STARD13: variants seen among roughly 807,000 people sequenced by gnomAD.
STARD13 encodes the protein stAR-related lipid transfer protein 13.
STARD13 carries 62 observed loss-of-function variants against 106.4 expected under a neutral mutation model. That is an observed-to-expected ratio of 0.58 (90% CI 0.48 to 0.72). The LOEUF (loss-of-function observed/expected upper bound fraction) is 0.72, where lower values mean the gene tolerates loss of function less well. STARD13 is among the 30% of genes least tolerant of loss of function. The pLI, the probability that STARD13 is intolerant of heterozygous loss-of-function variation, is 0.00. For missense variants in STARD13, 1,387 were observed against 1,424.0 expected (o/e 0.97, Z 0.42); for synonymous variants, 565 against 553.0 (o/e 1.02, Z -0.31).
rs184434459 is a variant in STARD13 at position 33,282,330 on chromosome 13, T to C, written c.169+3140A>G. On this transcript the variant is annotated intron_variant, in intron 1 of 13. Coordinates refer to ENST00000336934, the MANE Select transcript of STARD13 (RefSeq NM_178006.4). ...AGGCTAGAGAAATGATGCATGTATG[T>C]TTTGATGTGTACCCTAAGATGAGCA... Among the ~76,000 whole-genome samples, 252 of 152,312 alleles carry C rather than the reference T, an allele frequency of 1.7e-3. 1 individual carries two copies. Among genetic ancestry groups the C allele is most frequent in the Non-Finnish European group, 2.7e-3 (187 of 68,022 alleles).
chr13:33,495,818 ATAAT>A, the STARD13 span, among the ~76,000 whole-genome samples: 1 of 146,318 alleles, frequency 6.8e-6, no homozygotes, highest in Non-Finnish European at 1.5e-5. Context: ...TTATTATTAC[ATAAT>A]TAATATTATA....
chr13:33,253,642 C>T (rs1342789215), intron 1 of STARD13, among the ~76,000 whole-genome samples: 1 of 152,162 alleles, frequency 6.6e-6, no homozygotes, highest in Admixed American at 6.5e-5. Flanking sequence ...CCTTCTCGGC[C>T]ACCTCTGCTG....
At chr13:33,157,144 C>G (rs1224821533) in intron 3 of STARD13, among the ~76,000 whole-genome samples, 1 of 151,554 alleles carries the variant, frequency 6.6e-6, no homozygotes, top group East Asian at 1.9e-4. Context: ...TTGTAGATAC[C>G]ATTTTTGTCA....
At chr13:33,122,338 G>A (rs1349892758) in intron 7 of STARD13, among the ~76,000 whole-genome samples, 2 of 152,184 alleles carry the variant, frequency 1.3e-5, no homozygotes, top group African/African-American at 4.8e-5. Flanking sequence ...AGCTCCCTCA[G>A]CTTCGTTATG....
intron 1 of STARD13, among the ~76,000 whole-genome samples, chr13:33,242,377 A>G (rs1366615210): frequency 2.6e-5 from 4 of 152,206 alleles, no homozygotes; most frequent in Admixed American, 2.6e-4. Context: ...AGAAGTAGAC[A>G]TAGGAGACTC....
chr13:33,442,717 G>C, the STARD13 span, among the ~76,000 whole-genome samples: 1 of 152,290 alleles, frequency 6.6e-6, no homozygotes, highest in Non-Finnish European at 1.5e-5. Context: ...AGCCCCTCAT[G>C]TATCTACCAT....
At chr13:33,434,893 AGAAGGAAG>A in the STARD13 span, among the ~76,000 whole-genome samples, 3,988 of 130,596 alleles carry the variant, frequency 0.031, 86 homozygotes, top group Admixed American at 0.044. Context: ...AGGGAAGGAA[AGAAGGAAG>A]GAAGGAAGGA....
rs1246358892 is a variant in STARD13, at chr13:33,130,295, G to A, written c.388-6C>T. Reference sequence around the variant, plus strand: ...TCCTCATCGGAGTCGTCACCCTGCAGAGCACCAAGGAAAATGCTCATTAGC... The same window carrying A: ...TCCTCATCGGAGTCGTCACCCTGCAAAGCACCAAGGAAAATGCTCATTAGC... On this transcript the variant is annotated splice_region_variant and splice_polypyrimidine_tract_variant and intron_variant, in intron 4 of 13. Transcript: ENST00000336934. This position sits in a 1 kb window ranked among gnomAD's most constrained non-coding sequence, Gnocchi z 4.1. 4 of 1,596,862 alleles carry A rather than the reference G, an allele frequency of 2.5e-6. No homozygotes were observed. The highest frequency in any genetic ancestry group is 1.7e-6 in the Non-Finnish European group (2 of 1,177,488).
the STARD13 span, among the ~76,000 whole-genome samples, chr13:33,499,738 T>A: frequency 2.1e-5 from 3 of 141,280 alleles, no homozygotes; most frequent in East Asian, 2.1e-4. Flanking sequence ...TCCCTCTCCC[T>A]CTCCCTCTTC....
the STARD13 span, among the ~76,000 whole-genome samples, chr13:33,414,415 G>A: frequency 3.3e-5 from 5 of 152,130 alleles, no homozygotes; most frequent in Admixed American, 3.3e-4. Context: ...TGGGTGAATG[G>A]TTGAGCAAAC....
intron 3 of STARD13, among the ~76,000 whole-genome samples, chr13:33,155,080 C>T (rs1223717024): frequency 6.6e-6 from 1 of 152,196 alleles, no homozygotes; most frequent in Non-Finnish European, 1.5e-5. Context: ...CTCATGCACT[C>T]TCAGGGCCTT....
chr13:33,172,983 C>T (rs1440276192), intron 1 of STARD13, among the ~76,000 whole-genome samples: 5 of 151,822 alleles, frequency 3.3e-5, no homozygotes, highest in Admixed American at 2.6e-4. Flanking sequence ...AGAGTGTGAT[C>T]GTCATGGGAT....
At chr13:33,409,396 G>C in the STARD13 span, among the ~76,000 whole-genome samples, 12 of 152,204 alleles carry the variant, frequency 7.9e-5, no homozygotes. Context: ...TGGAGCTACA[G>C]TATACACTGA....
chr13:33,201,336 G>A (rs927031574), intron 1 of STARD13, among the ~76,000 whole-genome samples: 4 of 152,174 alleles, frequency 2.6e-5, no homozygotes, highest in African/African-American at 7.2e-5. Flanking sequence ...ATCAAATCCC[G>A]TGTTCAACTG....
chr13:33,288,145 A>G (rs1190791042), upstream of STARD13, among the ~76,000 whole-genome samples: 1 of 152,062 alleles, frequency 6.6e-6, no homozygotes, highest in East Asian at 1.9e-4. Context: ...TCCTTTTTGC[A>G]TAGTCATGAA....
At chr13:33,600,399 A>C in the STARD13 span, among the ~76,000 whole-genome samples, 5,197 of 152,308 alleles carry the variant, frequency 0.034, 150 homozygotes, top group African/African-American at 0.072. Context: ...TTTAATTCTT[A>C]TGAATAGTTA....
Position 33,129,667 on chromosome 13 carries a change from T to TC in STARD13, c.1009dup (p.Glu337GlyfsTer50). The TC allele has an allele frequency of 6.2e-7, 1 of 1,614,036 alleles. No individual in the cohort carries two copies. The highest frequency in any genetic ancestry group is 8.5e-7 in the Non-Finnish European group (1 of 1,180,024). On this transcript the variant is annotated frameshift_variant, in exon 5 of 14. Coordinates refer to ENST00000336934, the MANE Select transcript of STARD13 (RefSeq NM_178006.4). LOFTEE classifies it high-confidence loss of function. The stretch of plus-strand genomic sequence containing the variant: ...CGTGCTCACCCCGCTGCTGCTGTGC[T>TC]CCGACGGGCTGCTCTCGCCACTCGA...
the STARD13 span, among the ~76,000 whole-genome samples, chr13:33,546,651 T>G: frequency 1.2e-4 from 10 of 86,888 alleles, no homozygotes; most frequent in Admixed American, 1.1e-3. Flanking sequence ...GTCGTATTAA[T>G]TTTTTTTTTT....
intron 1 of STARD13, among the ~76,000 whole-genome samples, chr13:33,265,172 G>A (rs566204453): frequency 6.6e-6 from 1 of 152,294 alleles, no homozygotes; most frequent in East Asian, 1.9e-4. Context: ...TAGAGATTCA[G>A]AATCTGAACT....
Sources: gnomAD v4.1 joint callset for allele counts (sites outside exome capture counted in the v4.1 genomes callset) on GRCh38, gnomAD v4.1.1 for gene constraint, Gnocchi (gnomAD v3.1) non-coding constraint, MANE v1.5 for transcripts, NCBI Gene and HGNC (gene_info 2026-07-23, HGNC 2026-07-21) for gene names.